Variants in FAAH2 observed in about 807,000 individuals in gnomAD.
FAAH2 encodes the protein fatty acid amide hydrolase 2, also known as fatty-acid amide hydrolase 2.
A neutral mutation model predicts 36.9 loss-of-function variants in FAAH2; 60 were observed. That is an observed-to-expected ratio of 1.63 (90% confidence interval 1.32 to 2.02). The LOEUF is 2.02. Ranked by LOEUF, FAAH2 falls within the 30% of genes most tolerant of loss-of-function variation. FAAH2 has a pLI of 0.00. For synonymous variants in FAAH2, 214 were observed against 143.8 expected, an observed-to-expected ratio of 1.49 and a Z score of -3.49; for missense variants, 689 against 397.5, an observed-to-expected ratio of 1.73 and a Z score of -6.23.
chrX:57,159,409 G>T, the FAAH2 span, among the ~76,000 whole-genome samples: 1 of 111,435 alleles, frequency 9.0e-6, no homozygotes, highest in Non-Finnish European at 1.9e-5. Flanking sequence ...GGATGGCATT[G>T]AATCTATAAA....
Position 57,396,557 on chromosome X carries a change from T to A in FAAH2, c.996+15528T>A, listed in dbSNP as rs1042486217. The stretch of plus-strand genomic sequence containing the variant: ...TCCCCATTTTTGTGTTTCAAAAATA[T>A]TATTTTATTTCTGCCTTAATTTCAT... On this transcript the variant is annotated intron_variant, in intron 7 of 10. Coordinates refer to ENST00000374900, the MANE Select transcript of FAAH2 (RefSeq NM_174912.4). Among the ~76,000 whole-genome samples the A allele has an allele frequency of 2.7e-5, 3 of 111,128 alleles. No homozygotes were observed. In the East Asian group the frequency reaches 8.4e-4, roughly 31 times the overall value.
intron 4 of FAAH2, among the ~76,000 whole-genome samples, chrX:57,335,458 C>T (rs1321677935): frequency 3.6e-5 from 4 of 112,661 alleles, no homozygotes; most frequent in Non-Finnish European, 5.6e-5. Context: ...GAAAAAAGTG[C>T]TGTGCTTTTG....
the FAAH2 span, chrX:57,135,600 C>T: frequency 5.5e-5 from 41 of 746,295 alleles, no homozygotes; most frequent in South Asian, 1.1e-3. Context: ...GCCCCATCTA[C>T]CAAACACACC....
intron 10 of FAAH2, among the ~76,000 whole-genome samples, chrX:57,450,006 G>T (rs1047603575): frequency 9.0e-6 from 1 of 111,343 alleles, no homozygotes; most frequent in African/African-American, 3.3e-5. Context: ...TGCCTAAATT[G>T]CTGCGTTTAA....
chrX:57,300,096 G>C (rs1230298176), intron 2 of FAAH2, among the ~76,000 whole-genome samples: 1 of 111,279 alleles, frequency 9.0e-6, no homozygotes, highest in Admixed American at 9.6e-5. Flanking sequence ...CACAGAATTG[G>C]AAAAAACTAC....
At chrX:57,384,763 G>T (rs2054967776) in intron 7 of FAAH2, among the ~76,000 whole-genome samples, 1 of 111,817 alleles carries the variant, frequency 8.9e-6, no homozygotes, top group African/African-American at 3.3e-5. Flanking sequence ...GGAAGTTAGT[G>T]TGGGGATTCC....
At chrX:57,378,567 G>A in intron 5 of FAAH2, 84 bp from the exon 6 acceptor site, 2 of 1,124,232 alleles carry the variant, frequency 1.8e-6, no homozygotes, top group Non-Finnish European at 2.4e-6. Flanking sequence ...AAGTATTTAA[G>A]ATAGATTAAA....
chrX:57,285,689 T>C (rs1021109752), upstream of FAAH2, among the ~76,000 whole-genome samples: 8 of 111,419 alleles, frequency 7.2e-5, no homozygotes, highest in African/African-American at 2.6e-4. Context: ...GTCAGGAGCT[T>C]AGCATGTGAG....
chrX:57,470,779 G>A (rs904129919), intron 10 of FAAH2, among the ~76,000 whole-genome samples: 1 of 111,237 alleles, frequency 9.0e-6, no homozygotes, highest in East Asian at 2.8e-4. Flanking sequence ...CCAAAGCCTG[G>A]CAGAGACACA....
the FAAH2 span, among the ~76,000 whole-genome samples, chrX:57,279,121 A>G: frequency 4.4e-4 from 50 of 112,706 alleles, no homozygotes; most frequent in African/African-American, 1.5e-3. Context: ...CCAAAGGATT[A>G]TAAATCATTC....
intron 5 of FAAH2, among the ~76,000 whole-genome samples, chrX:57,347,284 TCTGA>T (rs1174794918): frequency 8.9e-6 from 1 of 112,161 alleles, no homozygotes; most frequent in Non-Finnish European, 1.9e-5. Flanking sequence ...TTTATTTTTG[TCTGA>T]CTGAGTTGAT....
intron 10 of FAAH2, among the ~76,000 whole-genome samples, chrX:57,460,857 A>G (rs2056945525): frequency 8.9e-6 from 1 of 112,001 alleles, no homozygotes; most frequent in Admixed American, 9.4e-5. Context: ...ACAAACTGGT[A>G]AATTGGATAA....
At chrX:57,305,496 C>T (rs1310144456) in intron 2 of FAAH2, among the ~76,000 whole-genome samples, 1 of 111,536 alleles carries the variant, frequency 9.0e-6, no homozygotes, top group Non-Finnish European at 1.9e-5. Flanking sequence ...TCCCAATCAC[C>T]ATCATCTTTG....
chrX:57,302,423 G>T (rs1031642877), intron 2 of FAAH2, among the ~76,000 whole-genome samples: 2 of 111,595 alleles, frequency 1.8e-5, no homozygotes. Flanking sequence ...AGGTGTTGAA[G>T]ATATAAAGAT....
chrX:57,351,757 A>G (rs1256930245), intron 5 of FAAH2, among the ~76,000 whole-genome samples: 1 of 107,713 alleles, frequency 9.3e-6, no homozygotes, highest in Non-Finnish European at 1.9e-5. Context: ...CATAAAATCT[A>G]TTGAGATTGA....
At chrX:57,444,055 G>A (rs2056622132) in intron 8 of FAAH2, among the ~76,000 whole-genome samples, 1 of 112,000 alleles carries the variant, frequency 8.9e-6, no homozygotes. Context: ...CTACCTGGGG[G>A]TCAGGGACCC....
chrX:57,329,875 C>A (rs1171528699), intron 3 of FAAH2, among the ~76,000 whole-genome samples: 1 of 111,868 alleles, frequency 8.9e-6, no homozygotes, highest in Middle Eastern at 4.2e-3. Flanking sequence ...GTCTTTACTG[C>A]AATCTCTAAA....
At position 57,319,554 on chromosome X, in the gene FAAH2, C is replaced by T. The variant is rs193038764; in HGVS notation, c.412+8825C>T. Among the ~76,000 whole-genome samples, 16 of 112,146 alleles carry T rather than the reference C, an allele frequency of 1.4e-4. No individual in the cohort carries two copies. The East Asian group carries it at 4.2e-3, about 29-fold the overall frequency. Reference sequence around the variant, plus strand: ...AACAAATGGAAAAACATTTCATGCTCATGGGTAGAAAGAATCAATATTGTG... The same window carrying T: ...AACAAATGGAAAAACATTTCATGCTTATGGGTAGAAAGAATCAATATTGTG... On this transcript the variant is annotated intron_variant, in intron 3 of 10. Coordinates refer to ENST00000374900, the MANE Select transcript of FAAH2 (RefSeq NM_174912.4).
At chrX:57,198,307 G>A in the FAAH2 span, among the ~76,000 whole-genome samples, 3 of 111,489 alleles carry the variant, frequency 2.7e-5, no homozygotes, top group Non-Finnish European at 5.7e-5. Context: ...GTTCTTAGGG[G>A]GATTATGGCT....
Sources: gnomAD v4.1 joint callset for allele counts (sites outside exome capture counted in the v4.1 genomes callset) on GRCh38, gnomAD v4.1.1 for gene constraint, MANE v1.5 for transcripts, NCBI Gene and HGNC (gene_info 2026-07-23, HGNC 2026-07-21) for gene names.